Variants in ANKS1B observed in about 807,000 individuals in gnomAD.
ANKS1B encodes the protein ankyrin repeat and sterile alpha motif domain-containing protein 1B.
A neutral mutation model predicts 148.3 loss-of-function variants in ANKS1B; 36 were observed. That is an observed-to-expected ratio of 0.24 (90% CI 0.19 to 0.32). The LOEUF (loss-of-function observed/expected upper bound fraction) is 0.32. ANKS1B is among the 10% of genes least tolerant of loss of function. The probability of loss-of-function intolerance (pLI) is 1.00; values close to 1 mark genes in which losing one functional copy is unlikely to be tolerated. For missense variants in ANKS1B, 1,157 were observed against 1,542.6 expected (o/e 0.75, Z 4.19); for synonymous variants, 542 against 560.8 (o/e 0.97, Z 0.47).
At chr12:98,993,091 A>G (rs1321420271) in intron 17 of ANKS1B, among the ~76,000 whole-genome samples, 1 of 152,230 alleles carries the variant, frequency 6.6e-6, no homozygotes, top group Middle Eastern at 3.2e-3. Flanking sequence ...TGCTCTGAAT[A>G]TCAATGAACC....
At chr12:99,264,366 T>A (rs1451084781) in intron 12 of ANKS1B, among the ~76,000 whole-genome samples, 1 of 152,164 alleles carries the variant, frequency 6.6e-6, no homozygotes. Context: ...ATTTCTTCTG[T>A]CTATTAAATG....
intron 9 of ANKS1B, among the ~76,000 whole-genome samples, chr12:99,565,418 G>A (rs1006772679): frequency 2.6e-5 from 4 of 152,114 alleles, no homozygotes; most frequent in African/African-American, 9.7e-5. Context: ...GGTAGGATAG[G>A]CACAGCACAA....
At chr12:99,108,756 T>C (rs1018188069) in intron 15 of ANKS1B, among the ~76,000 whole-genome samples, 4 of 152,180 alleles carry the variant, frequency 2.6e-5, no homozygotes, top group Middle Eastern at 3.4e-3. Context: ...CAGAGATAAT[T>C]GTAAAGGTGT....
At chr12:98,811,420 C>A (rs776642057) in intron 19 of ANKS1B, among the ~76,000 whole-genome samples, 1 of 152,156 alleles carries the variant, frequency 6.6e-6, no homozygotes, top group Non-Finnish European at 1.5e-5. Flanking sequence ...GAACACTCCC[C>A]CTCTCTGCCA....
chr12:99,625,909 G>A (rs2098108494), intron 9 of ANKS1B, among the ~76,000 whole-genome samples: 1 of 152,106 alleles, frequency 6.6e-6, no homozygotes, highest in South Asian at 2.1e-4. Context: ...AATAGGATTA[G>A]TCCAGAAAGT....
In ANKS1B at chr12:98,772,933, T is replaced by C. The variant is rs1593250692; in HGVS notation, c.3579+109A>G. 11 of 1,252,356 alleles carry C rather than the reference T, an allele frequency of 8.8e-6. 1 individual carries two copies. The highest frequency in any genetic ancestry group is 1.5e-5 in the African/African-American group (1 of 66,580). 77.6% of individuals were successfully genotyped at this position (1,252,356 alleles called of 1,614,324 possible). On this transcript the variant is annotated intron_variant, in intron 25 of 26. Coordinates refer to ENST00000683438, the MANE Select transcript of ANKS1B (RefSeq NM_001352186.2). ...CAAATACACTTGGTATGTATCTTAA[T>C]ACCGGGTAAACAAGCCAAGCTAGTG...
At chr12:99,724,292 A>C (rs570714781) in intron 8 of ANKS1B, among the ~76,000 whole-genome samples, 2 of 152,282 alleles carry the variant, frequency 1.3e-5, no homozygotes, top group Non-Finnish European at 2.9e-5. Flanking sequence ...TAGAATAACC[A>C]GTTTAGAGAG....
At chr12:99,944,400 C>T (rs1350210716) in intron 1 of ANKS1B, among the ~76,000 whole-genome samples, 1 of 152,164 alleles carries the variant, frequency 6.6e-6, no homozygotes, top group Non-Finnish European at 1.5e-5. Context: ...GGCCCTTGGC[C>T]GTCAGATGCT....
chr12:99,921,087 C>T (rs1207694785), intron 1 of ANKS1B, among the ~76,000 whole-genome samples: 4 of 152,114 alleles, frequency 2.6e-5, no homozygotes, highest in African/African-American at 9.7e-5. Context: ...AGTGGAAAAA[C>T]TGACCAGGTG....
At chr12:99,483,327 T>C (rs2096442077) in intron 10 of ANKS1B, among the ~76,000 whole-genome samples, 1 of 151,906 alleles carries the variant, frequency 6.6e-6, no homozygotes, top group Admixed American at 6.6e-5. Flanking sequence ...TGTTAAACCA[T>C]CCCTGCATCC....
At chr12:99,191,103 A>C (rs1454365163) in intron 14 of ANKS1B, among the ~76,000 whole-genome samples, 1 of 152,166 alleles carries the variant, frequency 6.6e-6, no homozygotes, top group Non-Finnish European at 1.5e-5. Context: ...AAAAAGCTAT[A>C]ATCACTGGTC....
At chr12:98,767,780 G>C (rs1462776723) in intron 25 of ANKS1B, among the ~76,000 whole-genome samples, 1 of 152,168 alleles carries the variant, frequency 6.6e-6, no homozygotes, top group East Asian at 1.9e-4. Flanking sequence ...GAGAAATCTA[G>C]AGTAACTAAG....
In ANKS1B at chr12:98,998,791, A is replaced by G. The variant is rs183934661; in HGVS notation, c.2778+54366T>C. Among the ~76,000 whole-genome samples the G allele has an allele frequency of 1.6e-4, 25 of 152,310 alleles. No individual in the cohort carries two copies. The East Asian group carries it at 4.0e-3, about 25-fold the overall frequency. On this transcript the variant is annotated intron_variant, in intron 17 of 26. Transcript: ENST00000683438. ...GAATGAATGTTAAATAACAAAAATC[A>G]TGTTCGTTTTTATATTTTGCTTTGC...
chr12:98,752,721 T>C (rs1055843850), intron 25 of ANKS1B, among the ~76,000 whole-genome samples: 1 of 152,074 alleles, frequency 6.6e-6, no homozygotes, highest in Non-Finnish European at 1.5e-5. Flanking sequence ...CATTCAAAGC[T>C]CTCCCTGTGG....
chr12:99,483,398 C>T (rs2096443175), intron 10 of ANKS1B, among the ~76,000 whole-genome samples: 1 of 151,762 alleles, frequency 6.6e-6, no homozygotes, highest in Non-Finnish European at 1.5e-5. Flanking sequence ...ATTTGGTTAG[C>T]TAGTATTTTG....
At chr12:99,140,351 G>A (rs1034807434) in intron 15 of ANKS1B, among the ~76,000 whole-genome samples, 1 of 152,160 alleles carries the variant, frequency 6.6e-6, no homozygotes, top group Non-Finnish European at 1.5e-5. Flanking sequence ...ATTTAAGGTC[G>A]CTGAGCTAGG....
At chr12:99,079,465 T>C (rs2048927211) in intron 16 of ANKS1B, among the ~76,000 whole-genome samples, 1 of 152,126 alleles carries the variant, frequency 6.6e-6, no homozygotes, top group Non-Finnish European at 1.5e-5. Context: ...CCACTAAAAT[T>C]CAGGTGTTCA....
intron 9 of ANKS1B, among the ~76,000 whole-genome samples, chr12:99,542,648 C>T (rs1472985335): frequency 6.6e-6 from 1 of 152,044 alleles, no homozygotes; most frequent in Non-Finnish European, 1.5e-5. Flanking sequence ...GGAGGAGTCA[C>T]TCTTCCCAAT....
chr12:99,243,883 G>A (rs980277351), intron 14 of ANKS1B, among the ~76,000 whole-genome samples: 1 of 152,098 alleles, frequency 6.6e-6, no homozygotes, highest in African/African-American at 2.4e-5. Flanking sequence ...GTGGGGAGCT[G>A]GGGGAGGGAT....
Sources: gnomAD v4.1 joint callset for allele counts (sites outside exome capture counted in the v4.1 genomes callset) on GRCh38, gnomAD v4.1.1 for gene constraint, MANE v1.5 for transcripts, NCBI Gene and HGNC (gene_info 2026-07-23, HGNC 2026-07-21) for gene names.